PLXDC2: variants seen among roughly 807,000 people sequenced by gnomAD.
PLXDC2 encodes the protein plexin domain containing 2.
A neutral mutation model predicts 68.9 loss-of-function variants in PLXDC2; 40 were observed. The ratio of observed to expected loss-of-function variants is 0.58; its 90% confidence interval spans 0.45 to 0.76. The LOEUF (loss-of-function observed/expected upper bound fraction) is 0.76, where lower values mean the gene tolerates loss of function less well. Ranked by LOEUF, PLXDC2 falls within the 30% of genes least tolerant of loss-of-function variation. PLXDC2 has a pLI of 0.00. For synonymous variants in PLXDC2, 243 were observed against 234.2 expected (o/e 1.04, Z -0.34); for missense variants, 644 against 661.9 (o/e 0.97, Z 0.30).
At chr10:20,184,541 G>A (rs531870526) in intron 9 of PLXDC2, among the ~76,000 whole-genome samples, 65 of 151,788 alleles carry the variant, frequency 4.3e-4, no homozygotes, top group African/African-American at 1.5e-3. Context: ...AATTAATTAA[G>A]GGTTAAAATA....
rs1836146188 is a variant in PLXDC2 at position 20,285,796 on chromosome 10, T to C, written c.*5977T>C. Reference sequence around the variant, plus strand: ...ACTTTAGGTGTGTGTGGTGGTTATGTCATTTATTAGACCATCCCAGACATA... The same window carrying C: ...ACTTTAGGTGTGTGTGGTGGTTATGCCATTTATTAGACCATCCCAGACATA... On this transcript the variant is annotated 3_prime_UTR_variant, in exon 14 of 14. Transcript: ENST00000377252. 1 of 152,170 alleles carries C rather than the reference T, an allele frequency of 6.6e-6. No individual in the cohort carries two copies. The highest frequency in any genetic ancestry group is 1.5e-5 in the Non-Finnish European group (1 of 68,022). The allele number at this position is 152,170 out of a possible 1,614,324, so 9.4% of individuals were successfully genotyped here.
intron 9 of PLXDC2, among the ~76,000 whole-genome samples, chr10:20,178,718 G>A (rs1406113487): frequency 6.6e-6 from 1 of 152,028 alleles, no homozygotes; most frequent in Non-Finnish European, 1.5e-5. Context: ...CACAAGCTTT[G>A]GGAAACATTT....
At chr10:20,041,684 C>T (rs1053911567) in intron 2 of PLXDC2, among the ~76,000 whole-genome samples, 1 of 152,034 alleles carries the variant, frequency 6.6e-6, no homozygotes, top group Non-Finnish European at 1.5e-5. Context: ...GATGCCTTAA[C>T]CAAAGATGGC....
At chr10:20,118,536 G>T (rs1833652534) in intron 4 of PLXDC2, among the ~76,000 whole-genome samples, 1 of 152,204 alleles carries the variant, frequency 6.6e-6, no homozygotes, top group Admixed American at 6.5e-5. Context: ...AGTACTGATA[G>T]GAGCGGCACT....
chr10:20,164,753 C>T (rs1449554461), intron 7 of PLXDC2, among the ~76,000 whole-genome samples, 186 bp downstream of exon 7: 4 of 152,120 alleles, frequency 2.6e-5, no homozygotes, highest in Non-Finnish European at 5.9e-5. Context: ...CTTGAGCTAA[C>T]TCAGGTAAAG....
chr10:19,856,475 T>G (rs559693963), intron 1 of PLXDC2, among the ~76,000 whole-genome samples: 41 of 152,052 alleles, frequency 2.7e-4, no homozygotes, highest in Non-Finnish European at 4.3e-4. Context: ...ATCTGCCAGT[T>G]TGATGGTCTG....
chr10:20,153,884 T>C (rs1002222799), intron 6 of PLXDC2, among the ~76,000 whole-genome samples: 2 of 152,216 alleles, frequency 1.3e-5, no homozygotes, highest in South Asian at 2.1e-4. Flanking sequence ...AATTCATTCA[T>C]TCTGATATCC....
At chr10:19,832,877 A>G (rs917590083) in intron 1 of PLXDC2, among the ~76,000 whole-genome samples, 2 of 152,216 alleles carry the variant, frequency 1.3e-5, no homozygotes, top group Admixed American at 6.5e-5. Context: ...TTGACGCCAG[A>G]TGGGCTTGAG....
At chr10:20,227,451 G>A (rs1835301164) in intron 12 of PLXDC2, among the ~76,000 whole-genome samples, 1 of 152,140 alleles carries the variant, frequency 6.6e-6, no homozygotes, top group African/African-American at 2.4e-5. Flanking sequence ...TTTCAGGAAG[G>A]GGATTGACAT....
chr10:19,902,368 C>G (rs1838174627), intron 1 of PLXDC2, among the ~76,000 whole-genome samples: 1 of 152,024 alleles, frequency 6.6e-6, no homozygotes, highest in Non-Finnish European at 1.5e-5. Flanking sequence ...TTGTAGTTTT[C>G]CTTGTAGAGG....
At chr10:19,959,554 A>G (rs1045805030) in intron 1 of PLXDC2, among the ~76,000 whole-genome samples, 1 of 152,234 alleles carries the variant, frequency 6.6e-6, no homozygotes, top group African/African-American at 2.4e-5. Context: ...TCTTAATTTA[A>G]GAATCCTGAA....
chr10:20,253,538 C>A (rs1467243102), intron 13 of PLXDC2, among the ~76,000 whole-genome samples: 1 of 151,900 alleles, frequency 6.6e-6, no homozygotes, highest in African/African-American at 2.4e-5. Context: ...TTTTTAAATT[C>A]TTATTATTTC....
chr10:20,208,274 G>T (rs1350997309), intron 9 of PLXDC2, among the ~76,000 whole-genome samples: 1 of 152,126 alleles, frequency 6.6e-6, no homozygotes, highest in Non-Finnish European at 1.5e-5. Flanking sequence ...GGCTAGGGAG[G>T]CCTCACAATC....
intron 4 of PLXDC2, among the ~76,000 whole-genome samples, chr10:20,140,504 G>A: frequency 6.6e-6 from 1 of 151,634 alleles, no homozygotes; most frequent in Non-Finnish European, 1.5e-5. Flanking sequence ...GTCTAATGGG[G>A]TGTTGGTATC....
chr10:19,908,260 CAT>C (rs1399964990), intron 1 of PLXDC2, among the ~76,000 whole-genome samples: 94 of 152,142 alleles, frequency 6.2e-4, no homozygotes, highest in Non-Finnish European at 2.2e-4. Context: ...AAATAAAACA[CAT>C]GTTTATAAAT....
At chr10:19,937,255 A>C (rs1833740106) in intron 1 of PLXDC2, among the ~76,000 whole-genome samples, 1 of 152,020 alleles carries the variant, frequency 6.6e-6, no homozygotes, top group Admixed American at 6.6e-5. Flanking sequence ...CATCTTTCGC[A>C]TGTCATGGAT....
At chr10:20,033,552 C>T (rs74721790) in intron 2 of PLXDC2, among the ~76,000 whole-genome samples, 2,738 of 152,206 alleles carry the variant, frequency 0.018, 76 homozygotes, top group African/African-American at 0.061. Context: ...CTCACAATCA[C>T]GGCACAATCA....
intron 4 of PLXDC2, among the ~76,000 whole-genome samples, chr10:20,111,561 G>T (rs1475498365): frequency 6.6e-6 from 1 of 152,148 alleles, no homozygotes; most frequent in Non-Finnish European, 1.5e-5. Flanking sequence ...AAACAAAAAT[G>T]TCAAACTGAA....
rs540822284 is a variant in PLXDC2 at position 20,281,241 on chromosome 10, A to T, written c.*1422A>T. ...TGGAATCACAATCCTGATTTTGAAA[A>T]TTCCTCATGAATGAAGAAAGGAATG... On this transcript the variant is annotated 3_prime_UTR_variant, in exon 14 of 14. Transcript: ENST00000377252. 1 of 152,120 alleles carries T rather than the reference A, an allele frequency of 6.6e-6. No individual in the cohort carries two copies. The highest frequency in any genetic ancestry group is 1.5e-5 in the Non-Finnish European group (1 of 68,012). The allele number at this position is 152,120 out of a possible 1,614,324, so 9.4% of individuals were successfully genotyped here.
Sources: allele counts gnomAD v4.1 joint callset (sites outside exome capture counted in the v4.1 genomes callset), GRCh38; gene constraint gnomAD v4.1.1; transcripts MANE v1.5; gene names NCBI Gene and HGNC (gene_info 2026-07-23, HGNC 2026-07-21).